ENPP1: variants seen among roughly 807,000 people sequenced by gnomAD.
ENPP1 encodes the protein ectonucleotide pyrophosphatase/phosphodiesterase family member 1.
A neutral mutation model predicts 122.8 loss-of-function variants in ENPP1; 73 were observed. The ratio of observed to expected loss-of-function variants is 0.59; its 90% CI spans 0.49 to 0.72. The LOEUF is 0.72. ENPP1 is among the 30% of genes least tolerant of loss of function. ENPP1 has a pLI of 0.00. For synonymous variants in ENPP1, 367 were observed against 391.6 expected, an observed-to-expected ratio of 0.94 and a Z score of 0.74; for missense variants, 978 against 1,128.1, an observed-to-expected ratio of 0.87 and a Z score of 1.91.
At chr6:131,829,307 T>C (rs948122047) in intron 1 of ENPP1, among the ~76,000 whole-genome samples, 1 of 152,256 alleles carries the variant, frequency 6.6e-6, no homozygotes, top group Non-Finnish European at 1.5e-5. Flanking sequence ...CGACATATCT[T>C]TCTTGATAGT....
chr6:131,822,595 A>G (rs1781496400), intron 1 of ENPP1, among the ~76,000 whole-genome samples: 1 of 151,870 alleles, frequency 6.6e-6, no homozygotes, highest in Non-Finnish European at 1.5e-5. Flanking sequence ...AAAAAAAAAA[A>G]CAAAGATGAG....
intron 1 of ENPP1, among the ~76,000 whole-genome samples, chr6:131,846,313 C>T (rs753433920): frequency 5.9e-5 from 9 of 152,184 alleles, no homozygotes; most frequent in South Asian, 2.1e-4. Context: ...TGTCCATTCC[C>T]GTTTGCATTT....
chr6:131,846,301 A>G (rs1237122138), intron 1 of ENPP1, among the ~76,000 whole-genome samples: 1 of 151,878 alleles, frequency 6.6e-6, no homozygotes, highest in Non-Finnish European at 1.5e-5. Flanking sequence ...ACCTCCACCC[A>G]TTGTCCATTC....
In ENPP1 at chr6:131,861,689, A is replaced by G; in HGVS notation, c.1010A>G (p.Tyr337Cys). ...VEINGIFPDI[Y>C]KMYNGSVPFE... ...ATTAACGGAATTTTCCCAGACATCT[A>G]TAAAATGTATAATGGGTATGTGAAA... is the stretch of plus-strand genomic sequence containing the variant. The change falls in exon 9 of 25, where the codon TAT (tyrosine) becomes TGT (cysteine). Residue 337 changes from tyrosine to cysteine, a missense_variant. Coordinates refer to ENST00000647893, the MANE Select transcript of ENPP1 (RefSeq NM_006208.3). 1 of 1,583,220 alleles carries G rather than the reference A, an allele frequency of 6.3e-7. No homozygotes were observed. Among genetic ancestry groups the G allele is most frequent in the Non-Finnish European group, 8.7e-7 (1 of 1,151,652 alleles).
chr6:131,832,831 G>A (rs982645783), intron 1 of ENPP1, among the ~76,000 whole-genome samples: 2 of 152,180 alleles, frequency 1.3e-5, no homozygotes, highest in Non-Finnish European at 2.9e-5. Context: ...GGTGGCCTCC[G>A]TGTAAGGGTA....
At chr6:131,811,012 A>G (rs1585784456) in intron 1 of ENPP1, among the ~76,000 whole-genome samples, 1 of 152,286 alleles carries the variant, frequency 6.6e-6, no homozygotes, top group East Asian at 1.9e-4. Flanking sequence ...ATTATTCTCT[A>G]CATGTGTCAG....
At chr6:131,862,894 G>GT (rs201230672) in intron 9 of ENPP1, among the ~76,000 whole-genome samples, 2,877 of 150,464 alleles carry the variant, frequency 0.019, 42 homozygotes, top group African/African-American at 0.028. Flanking sequence ...GCAAGAAGTT[G>GT]TTTTTTTTTC....
intron 1 of ENPP1, among the ~76,000 whole-genome samples, chr6:131,808,565 C>G (rs917824084): frequency 2.0e-5 from 3 of 152,306 alleles, no homozygotes; most frequent in South Asian, 2.1e-4. Context: ...ACCCCCTGCC[C>G]CAGGAGAGTA....
At chr6:131,878,617 C>G in intron 19 of ENPP1, 24 bp downstream of exon 19, 1 of 1,583,062 alleles carries the variant, frequency 6.3e-7, no homozygotes, top group Non-Finnish European at 8.7e-7. Context: ...CACACTCAAG[C>G]TCGGAATGTG....
chr6:131,864,700 A>G, intron 10 of ENPP1, 129 bp downstream of exon 10: 1 of 809,696 alleles, frequency 1.2e-6, no homozygotes, highest in Non-Finnish European at 2.1e-6. Context: ...TCTTTAGTAA[A>G]TGATCATACC....
intron 10 of ENPP1, 112 bp from the exon 11 acceptor site, chr6:131,864,754 A>G (rs1430507388): frequency 3.6e-6 from 3 of 830,802 alleles, no homozygotes; most frequent in Non-Finnish European, 6.2e-6. Context: ...TCTCAGTAGA[A>G]CTGTTACACC....
intron 1 of ENPP1, chr6:131,820,576 T>A (rs1781472642): frequency 6.6e-6 from 1 of 152,222 alleles, no homozygotes; most frequent in Non-Finnish European, 1.5e-5. Context: ...TCTCAAGAAC[T>A]AGGGAGAGGA....
intron 1 of ENPP1, among the ~76,000 whole-genome samples, chr6:131,817,113 G>A (rs1248910945): frequency 1.3e-5 from 2 of 152,068 alleles, no homozygotes; most frequent in Non-Finnish European, 2.9e-5. Flanking sequence ...GCAACAATGG[G>A]CTAAATTTAT....
In ENPP1 at chr6:131,860,488, G is replaced by A. The variant is rs141084783; in HGVS notation, c.897G>A (p.Glu299=). The A allele has an allele frequency of 1.3e-5, 20 of 1,597,208 alleles. No individual in the cohort carries two copies. The African/African-American group carries it at 2.4e-4, about 19-fold the overall frequency. Residue 299 remains glutamate, a synonymous_variant, in exon 8 of 25, where the codon GAG becomes GAA. Coordinates refer to ENST00000647893, the MANE Select transcript of ENPP1 (RefSeq NM_006208.3). ...AAAGTAAAGAGAAATTTAATCCTGA[G>A]TGGTACAAAGGAGAACCAGTGAGTT... ...SLKSKEKFNP[E]WYKGEPIWVT... is the part of the protein sequence containing the mutation.
Position 131,891,377 on chromosome 6 carries a change from T to A in ENPP1, c.*866T>A. The A allele has an allele frequency of 6.6e-6, 1 of 152,316 alleles. No homozygotes were observed. The highest frequency in any genetic ancestry group is 6.5e-5 in the Admixed American group (1 of 15,294). The allele number at this position is 152,316 out of a possible 1,614,324, so 9.4% of individuals were successfully genotyped here. On this transcript the variant is annotated 3_prime_UTR_variant, in exon 25 of 25. Transcript: ENST00000647893. ...TTTTTTATTGAGATGCTTAGAATGT[T>A]TCTTTCTGTGCACAAGACTTACCCT...
At chr6:131,874,432 G>A in intron 16 of ENPP1, 95 bp downstream of exon 16, 1 of 729,648 alleles carries the variant, frequency 1.4e-6, no homozygotes, top group Non-Finnish European at 2.4e-6. Flanking sequence ...TATATGTCTT[G>A]AATGAGAATT....
At chr6:131,830,775 A>G (rs1374653285) in intron 1 of ENPP1, among the ~76,000 whole-genome samples, 5 of 152,206 alleles carry the variant, frequency 3.3e-5, no homozygotes, top group African/African-American at 9.6e-5. Flanking sequence ...TCAGTTATAT[A>G]TGTATATGGG....
intron 1 of ENPP1, among the ~76,000 whole-genome samples, chr6:131,822,796 G>T (rs1781498833): frequency 6.6e-6 from 1 of 152,128 alleles, no homozygotes; most frequent in African/African-American, 2.4e-5. Flanking sequence ...CAGTCCCCAA[G>T]AATTTCTAGC....
At chr6:131,876,562 TAGACTC>T (rs1294731667) in intron 17 of ENPP1, among the ~76,000 whole-genome samples, 7 of 152,208 alleles carry the variant, frequency 4.6e-5, no homozygotes, top group South Asian at 2.1e-4. Flanking sequence ...GCATGAGTCT[TAGACTC>T]AGACAAAGCT....
Sources: allele counts gnomAD v4.1 joint callset (sites outside exome capture counted in the v4.1 genomes callset), GRCh38; gene constraint gnomAD v4.1.1; transcripts MANE v1.5; gene names NCBI Gene and HGNC (gene_info 2026-07-23, HGNC 2026-07-21).